KCNK13: variants seen among roughly 807,000 people sequenced by gnomAD.
KCNK13 encodes potassium two pore domain channel subfamily K member 13.
A neutral mutation model predicts 23.4 loss-of-function variants in KCNK13; 12 were observed. The ratio of observed to expected loss-of-function variants is 0.51; its 90% confidence interval spans 0.33 to 0.83. The LOEUF (loss-of-function observed/expected upper bound fraction) is 0.83. Ranked by LOEUF, KCNK13 falls within the 40% of genes least tolerant of loss-of-function variation. KCNK13 has a pLI of 0.02. For synonymous variants in KCNK13, 231 were observed against 229.5 expected (o/e 1.01, Z -0.06); for missense variants, 463 against 556.3 (o/e 0.83, Z 1.69).
intron 1 of KCNK13, among the ~76,000 whole-genome samples, chr14:90,175,543 A>C (rs1890413465): frequency 6.6e-6 from 1 of 152,200 alleles, no homozygotes; most frequent in African/African-American, 2.4e-5. Flanking sequence ...CTCCTCTTGA[A>C]GCCCCTTTAA....
intron 1 of KCNK13, among the ~76,000 whole-genome samples, chr14:90,144,827 G>C (rs75714067): frequency 0.065 from 9,874 of 152,110 alleles, 414 homozygotes; most frequent in South Asian, 0.21. Context: ...ACCTCCAGCA[G>C]AATGTCGAAT....
chr14:90,107,538 T>G, intron 1 of KCNK13: 3 of 393,008 alleles, frequency 7.6e-6, no homozygotes, highest in Admixed American at 7.5e-5. Context: ...GTTGCCTGCC[T>G]GGAAATTTCA....
Position 90,170,222 on chromosome 14 carries a change from T to C in KCNK13, c.335-13889T>C, listed in dbSNP as rs112753951. 6.7e-3 allele frequency among the ~76,000 whole-genome samples: 1,023 copies of C among 152,228 alleles called. 12 individuals carry two copies. The highest frequency in any genetic ancestry group is 0.024 in the African/African-American group (981 of 41,544). ...TACAAGCCTCAATCATTTTATTATT[T>C]ATTTATTTTGAGACAGAGTCTCACT... On this transcript the variant is annotated intron_variant, in intron 1 of 1. Coordinates refer to ENST00000282146, the MANE Select transcript of KCNK13 (RefSeq NM_022054.4).
chr14:90,153,677 C>T (rs1254530090), intron 1 of KCNK13, among the ~76,000 whole-genome samples: 1 of 152,144 alleles, frequency 6.6e-6, no homozygotes, highest in African/African-American at 2.4e-5. Context: ...TTATGGAAAG[C>T]CCTTGATCTA....
At chr14:90,138,508 A>G (rs1889964703) in intron 1 of KCNK13, among the ~76,000 whole-genome samples, 1 of 152,240 alleles carries the variant, frequency 6.6e-6, no homozygotes, top group South Asian at 2.1e-4. Flanking sequence ...AAGTAGTGAC[A>G]TTTATTCAAG....
chr14:90,172,384 CT>C (rs1402979271), intron 1 of KCNK13, among the ~76,000 whole-genome samples: 1 of 151,746 alleles, frequency 6.6e-6, no homozygotes, highest in African/African-American at 2.4e-5. Context: ...GTACCCTTGC[CT>C]TAGATTTATA....
At chr14:90,145,248 C>T (rs1313360689) in intron 1 of KCNK13, among the ~76,000 whole-genome samples, 1 of 151,862 alleles carries the variant, frequency 6.6e-6, no homozygotes, top group African/African-American at 2.4e-5. Flanking sequence ...AAAAAATTAG[C>T]CAGGTGTGGT....
chr14:90,152,489 C>A (rs1890144962), intron 1 of KCNK13, among the ~76,000 whole-genome samples: 1 of 152,022 alleles, frequency 6.6e-6, no homozygotes, highest in Non-Finnish European at 1.5e-5. Context: ...GACCCGAGAT[C>A]GCGCCATTGC....
intron 1 of KCNK13, among the ~76,000 whole-genome samples, chr14:90,175,683 G>C (rs1006980705): frequency 6.6e-6 from 1 of 152,226 alleles, no homozygotes; most frequent in South Asian, 2.1e-4. Flanking sequence ...ATCCATCGCT[G>C]TGTGGCAAAC....
intron 1 of KCNK13, among the ~76,000 whole-genome samples, chr14:90,171,641 C>T (rs1890366241): frequency 6.6e-6 from 1 of 152,158 alleles, no homozygotes; most frequent in Non-Finnish European, 1.5e-5. Flanking sequence ...AGTGGGACAA[C>T]TTAAGCAAAG....
intron 1 of KCNK13, among the ~76,000 whole-genome samples, chr14:90,153,693 A>G (rs949823081): frequency 6.6e-6 from 1 of 152,238 alleles, no homozygotes; most frequent in African/African-American, 2.4e-5. Flanking sequence ...ATCTAATGTC[A>G]TCAGGAGTAC....
chr14:90,085,619 C>G (rs1028208284), intron 1 of KCNK13, among the ~76,000 whole-genome samples: 1 of 148,334 alleles, frequency 6.7e-6, no homozygotes, highest in East Asian at 2.0e-4. Context: ...AGATCCATGC[C>G]ATTGCACTCC....
At chr14:90,142,003 G>A (rs1890013605) in intron 1 of KCNK13, among the ~76,000 whole-genome samples, 1 of 150,462 alleles carries the variant, frequency 6.6e-6, no homozygotes, top group South Asian at 2.1e-4. Flanking sequence ...TAGCCAGGAT[G>A]GTTTTGATCT....
intron 1 of KCNK13, among the ~76,000 whole-genome samples, chr14:90,125,627 GCGCA>G (rs1889790535): frequency 1.8e-3 from 16 of 8,904 alleles, no homozygotes; most frequent in Admixed American, 0.015. Flanking sequence ...ACACACACAC[GCGCA>G]CACACACACA....
intron 1 of KCNK13, among the ~76,000 whole-genome samples, chr14:90,088,025 C>A (rs987201433): frequency 1.3e-5 from 2 of 152,040 alleles, no homozygotes; most frequent in African/African-American, 4.8e-5. Flanking sequence ...ATTTTTGAGA[C>A]AGAGTCTCGC....
chr14:90,141,892 C>T (rs1228120442), intron 1 of KCNK13, among the ~76,000 whole-genome samples: 1 of 151,790 alleles, frequency 6.6e-6, no homozygotes, highest in African/African-American at 2.4e-5. Flanking sequence ...ACACCATTCT[C>T]CTGCCTCAGC....
At chr14:90,076,971 C>CA (rs1032015121) in intron 1 of KCNK13, among the ~76,000 whole-genome samples, 1 of 152,162 alleles carries the variant, frequency 6.6e-6, no homozygotes, top group African/African-American at 2.4e-5. Context: ...AGGCATCCGC[C>CA]ACCACACCTG....
chr14:90,068,741 C>T lies in KCNK13; in HGVS notation c.334+6202C>T, dbSNP rs184559146. Among the ~76,000 whole-genome samples the T allele has an allele frequency of 3.3e-5, 5 of 152,296 alleles. 1 individual carries two copies. In the East Asian group the frequency reaches 9.7e-4, roughly 29 times the overall value. ...GAAATCTGGAGTCTAGAGGGCCGTT[C>T]ATGTTGTGATGTTTCTGACTAGGAC... On this transcript the variant is annotated intron_variant, in intron 1 of 1. Transcript: ENST00000282146.
chr14:90,080,231 A>T (rs934249802), intron 1 of KCNK13, among the ~76,000 whole-genome samples: 1 of 152,256 alleles, frequency 6.6e-6, no homozygotes, highest in African/African-American at 2.4e-5. Context: ...AGGCGGGCGC[A>T]TCACCTGAGG....
Sources: allele counts gnomAD v4.1 joint callset (sites outside exome capture counted in the v4.1 genomes callset), GRCh38; gene constraint gnomAD v4.1.1; transcripts MANE v1.5; gene names NCBI Gene and HGNC (gene_info 2026-07-23, HGNC 2026-07-21).